ZNF846: variants seen among roughly 807,000 people sequenced by gnomAD.
ZNF846 encodes the protein zinc finger protein 420 pseudogene.
In ZNF846, 15 loss-of-function variants were observed where a neutral mutation model predicts 16.0. That is an observed-to-expected ratio of 0.94 (90% confidence interval 0.63 to 1.45). The LOEUF is 1.45. Among genes scored for constraint, ZNF846 ranks in the 40% most tolerant of loss-of-function variants. The pLI is 0.00. For synonymous variants in ZNF846, 229 were observed against 212.0 expected (o/e 1.08, Z -0.70); for missense variants, 714 against 622.3 (o/e 1.15, Z -1.57).
At chr19:9,774,518 A>AT in intron 1 of ZNF846, 1 of 1,230,548 alleles carries the variant, frequency 8.1e-7, no homozygotes, top group Non-Finnish European at 1.2e-6. Flanking sequence ...CAGGAGGCTG[A>AT]TTAAGAGCTT....
chr19:9,776,213 G>A (rs1031795753), intron 1 of ZNF846, among the ~76,000 whole-genome samples: 2 of 152,152 alleles, frequency 1.3e-5, no homozygotes, highest in Admixed American at 6.6e-5. Flanking sequence ...TCCCCGGGGG[G>A]GTTTATAGAA....
chr19:9,755,435 A>G (rs1266569277), downstream of ZNF846: 2 of 151,630 alleles, frequency 1.3e-5, no homozygotes, highest in Admixed American at 6.5e-5. Flanking sequence ...AAAGCTTCCC[A>G]TAACTCCTCA....
chr19:9,776,716 T>A (rs991115485), intron 1 of ZNF846, among the ~76,000 whole-genome samples: 23 of 152,164 alleles, frequency 1.5e-4, no homozygotes, highest in African/African-American at 4.8e-4. Flanking sequence ...TTCTACACTC[T>A]CTTGTCGCCA....
At chr19:9,757,896 T>C (rs766831577) in exon 6 of ZNF846, 16 of 1,613,502 alleles carry the variant, frequency 9.9e-6, no homozygotes, top group Middle Eastern at 1.7e-4. Flanking sequence ...TTTACATTCA[T>C]AGGGCTTTTC....
intron 1 of ZNF846, among the ~76,000 whole-genome samples, chr19:9,778,488 G>A (rs2045469409): frequency 1.3e-5 from 2 of 152,214 alleles, no homozygotes; most frequent in East Asian, 1.9e-4. Context: ...GAAAATGCAG[G>A]TGACAGAAAA....
chr19:9,780,242 G>A (rs1398708874), intron 1 of ZNF846, among the ~76,000 whole-genome samples: 1 of 151,710 alleles, frequency 6.6e-6, no homozygotes, highest in African/African-American at 2.4e-5. Flanking sequence ...AGCCCAGGCT[G>A]GAGTGGAGTG....
intron 4 of ZNF846, among the ~76,000 whole-genome samples, chr19:9,760,682 CAG>C (rs2045211209): frequency 6.6e-6 from 1 of 150,922 alleles, no homozygotes; most frequent in East Asian, 1.9e-4. Flanking sequence ...GCCTGGGTGA[CAG>C]AGTGAGACTC....
chr19:9,753,219 AATTTATTTATTTATTTATTT>A (rs57885198), downstream of ZNF846, among the ~76,000 whole-genome samples: 2 of 134,512 alleles, frequency 1.5e-5, no homozygotes, highest in African/African-American at 5.8e-5. Context: ...GAGGAGACAA[AATTTATTTATTTATTTATTT>A]ATTTATTTAT....
At chr19:9,754,209 C>T (rs200020772), downstream of ZNF846, among the ~76,000 whole-genome samples, 2 of 151,424 alleles carry the variant, frequency 1.3e-5, no homozygotes, top group East Asian at 3.8e-4. Flanking sequence ...CTTTAGGTTA[C>T]TATTTACATG....
downstream of ZNF846, among the ~76,000 whole-genome samples, chr19:9,748,757 C>T (rs2045063094): frequency 6.6e-6 from 1 of 152,160 alleles, no homozygotes; most frequent in African/African-American, 2.4e-5. Context: ...AGAATTACAG[C>T]TTGTCCTCGA....
downstream of ZNF846, among the ~76,000 whole-genome samples, chr19:9,753,219 A>AATTTATTTATTTATTT (rs57885198): frequency 7.4e-5 from 10 of 134,560 alleles, no homozygotes; most frequent in Admixed American, 2.9e-4. Flanking sequence ...GAGGAGACAA[A>AATTTATTTATTTATTT]ATTTATTTAT....
chr19:9,774,612 T>C (rs957735868), intron 1 of ZNF846: 2 of 1,498,728 alleles, frequency 1.3e-6, no homozygotes, highest in South Asian at 1.1e-5. Context: ...CAAGGGCTTA[T>C]TGTTCCTGAC....
At chr19:9,758,666 A>C in exon 6 of ZNF846, 1 of 1,612,984 alleles carries the variant, frequency 6.2e-7, no homozygotes, top group Non-Finnish European at 8.5e-7. Context: ...TTTTCTCTCC[A>C]ATGTGAGTTA....
chr19:9,774,467 C>G (rs928260174), intron 1 of ZNF846: 1 of 587,634 alleles, frequency 1.7e-6, no homozygotes, highest in Non-Finnish European at 2.8e-6. Context: ...GACTCCGTCT[C>G]AAAAAAAAAA....
At chr19:9,769,271 T>G (rs2045367750), upstream of ZNF846, among the ~76,000 whole-genome samples, 1 of 152,044 alleles carries the variant, frequency 6.6e-6, no homozygotes, top group African/African-American at 2.4e-5. Flanking sequence ...TCTAGACACT[T>G]GGGTCTCACT....
At chr19:9,765,479 T>C (rs964165671) in intron 1 of ZNF846, among the ~76,000 whole-genome samples, 8 of 152,184 alleles carry the variant, frequency 5.3e-5, no homozygotes, top group African/African-American at 1.9e-4. Flanking sequence ...GAGACCATCC[T>C]GGCTAACACA....
intron 1 of ZNF846, among the ~76,000 whole-genome samples, chr19:9,782,427 AT>A (rs2045511467): frequency 6.6e-6 from 1 of 151,900 alleles, no homozygotes; most frequent in African/African-American, 2.4e-5. Flanking sequence ...ACCACACCTA[AT>A]TTTTAATTTT....
At chr19:9,775,473 C>T (rs530953160) in intron 1 of ZNF846, among the ~76,000 whole-genome samples, 41 of 152,056 alleles carry the variant, frequency 2.7e-4, no homozygotes, top group Non-Finnish European at 5.0e-4. Flanking sequence ...TATGGGAATT[C>T]AGTTCAGAAA....
At chr19:9,763,406 G>A in exon 3 of ZNF846, 1 of 1,596,168 alleles carries the variant, frequency 6.3e-7, no homozygotes, top group Non-Finnish European at 8.5e-7. Flanking sequence ...AGGTCACTAA[G>A]TGCTAAACCA....
Sources: gnomAD v4.1 joint callset for allele counts (sites outside exome capture counted in the v4.1 genomes callset) on GRCh38, gnomAD v4.1.1 for gene constraint, MANE v1.5 for transcripts, NCBI Gene and HGNC (gene_info 2026-07-23, HGNC 2026-07-21) for gene names.